Variants in RFX5 observed in about 807,000 individuals in gnomAD.
RFX5 encodes DNA-binding protein RFX5.
In RFX5, 30 loss-of-function variants were observed where a neutral mutation model predicts 41.2. The observed-to-expected ratio is 0.73, with a 90% confidence interval of 0.54 to 0.99. The LOEUF (loss-of-function observed/expected upper bound fraction) is 0.99. Ranked by LOEUF, RFX5 falls within the 50% of genes least tolerant of loss-of-function variation. The pLI, the probability that RFX5 is intolerant of heterozygous loss-of-function variation, is 0.00. For synonymous variants in RFX5, 231 were observed against 291.8 expected, an observed-to-expected ratio of 0.79 and a Z score of 2.12; for missense variants, 715 against 773.6, an observed-to-expected ratio of 0.92 and a Z score of 0.90.
chr1:151,343,233 A>G lies in RFX5; in HGVS notation c.859-55T>C, dbSNP rs990163886. 6 of 1,610,380 alleles carry G rather than the reference A, an allele frequency of 3.7e-6. No homozygotes were observed. In the African/African-American group the frequency reaches 8.0e-5, roughly 22 times the overall value. On this transcript the variant is annotated intron_variant, in intron 10 of 10. Coordinates refer to ENST00000452671, the MANE Select transcript of RFX5 (RefSeq NM_001025603.2). Reference sequence around the variant, plus strand: ...GTGTGAAGAATGAGTATTGGGGGAAACATAGACGCCAGAGGCACAGGAGGT... The same window carrying G: ...GTGTGAAGAATGAGTATTGGGGGAAGCATAGACGCCAGAGGCACAGGAGGT...
Position 151,343,864 on chromosome 1 carries a change from C to T in RFX5, c.574G>A (p.Val192Ile). ...GSESPEMGPE[V>I]TPAPRDELVE... The stretch of plus-strand genomic sequence containing the variant: ...AGTTCATCTCGAGGTGCTGGGGTTA[C>T]TTCTGGGCCCATTTCTGGCTGAAGT... Residue 192 changes from valine to isoleucine, a missense_variant, in exon 9 of 11, where the codon GTA becomes ATA. Coordinates refer to ENST00000452671, the MANE Select transcript of RFX5 (RefSeq NM_001025603.2). 1 of 1,613,650 alleles carries T rather than the reference C, an allele frequency of 6.2e-7. No individual in the cohort carries two copies. Among genetic ancestry groups the T allele is most frequent in the Non-Finnish European group, 8.5e-7 (1 of 1,179,682 alleles).
intron 3 of RFX5, 45 bp from the exon 4 acceptor site, chr1:151,346,006 CCT>C: frequency 1.2e-6 from 2 of 1,614,028 alleles, no homozygotes; most frequent in Non-Finnish European, 1.7e-6. Flanking sequence ...CAAGATTTTC[CCT>C]GTCTCTTTAT....
chr1:151,345,242 A>G (rs559685161), intron 4 of RFX5, 54 bp from the exon 5 acceptor site: 10 of 1,368,772 alleles, frequency 7.3e-6, no homozygotes, highest in South Asian at 3.6e-5. Context: ...GAAGGACCCA[A>G]TATAGGACCC....
At position 151,344,764 on chromosome 1, in the gene RFX5, G is replaced by T; in HGVS notation, c.317C>A (p.Thr106Asn). ...ATAAACACTTTGCTTTGGCAGACAG[G>T]TGTCAGTGTGCTCTTCCAGGTGGTT... ...IRNHLEEHTD[T>N]CLPKQSVYDA... is the part of the protein sequence containing the mutation. Residue 106 changes from threonine (T) to asparagine (N), a missense_variant, in exon 6 of 11, where the codon ACC (threonine) becomes AAC (asparagine). Physicochemically the swap from Thr to Asn is moderately conservative, Grantham distance 65. Transcript: ENST00000452671. 1 of 1,613,242 alleles carries T rather than the reference G, an allele frequency of 6.2e-7. No individual in the cohort carries two copies. Among genetic ancestry groups the T allele is most frequent in the Non-Finnish European group, 8.5e-7 (1 of 1,179,684 alleles).
chr1:151,344,208 C>T lies in RFX5; in HGVS notation c.544G>A (p.Gly182Ser), dbSNP rs146781151. ...MPPLPGLDLKGSESPEMGPEV... is the reference protein window; with the variant it reads ...MPPLPGLDLKSSESPEMGPEV... ...GATTTGGTACTTACACTCTCAGAACCCTTTAGGTCAAGTCCAGGCAGGGGT... is the reference window on the plus strand; with the variant it reads ...GATTTGGTACTTACACTCTCAGAACTCTTTAGGTCAAGTCCAGGCAGGGGT... Residue 182 changes from glycine (G) to serine (S), a missense_variant, in exon 8 of 11, where the codon GGT (glycine) becomes AGT (serine). Physicochemically the swap from Gly to Ser is moderately conservative, Grantham distance 56 (BLOSUM62 0). Transcript: ENST00000452671. 4 of 1,614,084 alleles carry T rather than the reference C, an allele frequency of 2.5e-6. No individual in the cohort carries two copies. Among genetic ancestry groups the T allele is most frequent in the Non-Finnish European group, 3.4e-6 (4 of 1,180,008 alleles).
At chr1:151,346,833 GT>G (rs1427353515) in intron 1 of RFX5, 2 of 157,702 alleles carry the variant, frequency 1.3e-5, no homozygotes, top group African/African-American at 4.8e-5. Flanking sequence ...CTGGGCCCAA[GT>G]TCTCATTACT....
rs767517616 is a variant in RFX5, at chr1:151,344,755, G to A, written c.326C>T (p.Pro109Leu). ...HLEEHTDTCL[P>L]KQSVYDAYRK... Reference sequence around the variant, plus strand: ...ATAGGCATCATAAACACTTTGCTTTGGCAGACAGGTGTCAGTGTGCTCTTC... The same window carrying A: ...ATAGGCATCATAAACACTTTGCTTTAGCAGACAGGTGTCAGTGTGCTCTTC... Residue 109 changes from proline to leucine, a missense_variant, in exon 6 of 11, where the codon CCA becomes CTA. Transcript: ENST00000452671. 1 of 1,253,220 alleles carries A rather than the reference G, an allele frequency of 8.0e-7. No individual in the cohort carries two copies. The highest frequency in any genetic ancestry group is 1.2e-5 in the South Asian group (1 of 85,436). 77.6% of individuals were successfully genotyped at this position (1,253,220 alleles called of 1,614,324 possible).
chr1:151,344,672 T>C lies in RFX5; in HGVS notation c.353+56A>G, dbSNP rs1650840744. The C allele has an allele frequency of 3.9e-6, 6 of 1,555,988 alleles. No individual in the cohort carries two copies. The Admixed American group carries it at 9.7e-5, about 25-fold the overall frequency. Reference sequence around the variant, plus strand: ...ATCAAGGCAGGAAGCTCTTCATGGGTGAGGGGGTCCTATGCCCACCAATCC... The same window carrying C: ...ATCAAGGCAGGAAGCTCTTCATGGGCGAGGGGGTCCTATGCCCACCAATCC... On this transcript the variant is annotated intron_variant, in intron 6 of 10. Coordinates refer to ENST00000452671, the MANE Select transcript of RFX5 (RefSeq NM_001025603.2).
chr1:151,342,068 C>G lies in RFX5; in HGVS notation c.*118G>C, dbSNP rs990704714. Reference sequence around the variant, plus strand: ...AGACTGGGTGACTCAGCTGTCTGTACAGAGGAGAATGGACTTCCTTAGGAA... The same window carrying G: ...AGACTGGGTGACTCAGCTGTCTGTAGAGAGGAGAATGGACTTCCTTAGGAA... On this transcript the variant is annotated 3_prime_UTR_variant, in exon 11 of 11. Coordinates refer to ENST00000452671, the MANE Select transcript of RFX5 (RefSeq NM_001025603.2). The G allele has an allele frequency of 1.4e-6, 2 of 1,438,700 alleles. No homozygotes were observed. Among genetic ancestry groups the G allele is most frequent in the Middle Eastern group, 1.7e-4 (1 of 5,776 alleles). The allele number at this position is 1,438,700 out of a possible 1,614,324, so 89.1% of individuals were successfully genotyped here.
Position 151,342,961 on chromosome 1 carries a change from G to T in RFX5, c.1076C>A (p.Ala359Asp), listed in dbSNP as rs1650613655. The change falls in exon 11 of 11, where the codon GCC (alanine) becomes GAC (aspartate). Residue 359 changes from alanine (A) to aspartate (D), a missense_variant. Physicochemically the swap from Ala to Asp is moderately radical, Grantham distance 126 (BLOSUM62 -2). Transcript: ENST00000452671. Reference protein sequence around the residue: ...PILAPRLSSGALKVATLPLSS... With the variant: ...PILAPRLSSGDLKVATLPLSS... The stretch of plus-strand genomic sequence containing the variant: ...CAGAGGCAGTGTAGCCACTTTCAGG[G>T]CACCTGAAGAAAGCCTGGGGGCCAG... 1.2e-6 allele frequency: 2 copies of T among 1,614,004 alleles called. No homozygotes were observed. The highest frequency in any genetic ancestry group is 1.7e-6 in the Non-Finnish European group (2 of 1,180,004).
In RFX5 at chr1:151,346,518, A is replaced by G; in HGVS notation, c.-43T>C. On this transcript the variant is annotated 5_prime_UTR_variant, in exon 2 of 11. An upstream open reading frame in the 5' UTR loses its in-frame stop. Coordinates refer to ENST00000452671, the MANE Select transcript of RFX5 (RefSeq NM_001025603.2). ...TCCGAAAATTAGAAATTATTCCATT[A>G]CTTCGCCAGGCCCATATATGCCCAA... The G allele has an allele frequency of 3.5e-6, 2 of 575,958 alleles. No individual in the cohort carries two copies. Among genetic ancestry groups the G allele is most frequent in the South Asian group, 4.0e-5 (2 of 50,020 alleles). The allele number at this position is 575,958 out of a possible 1,614,324, so 35.7% of individuals were successfully genotyped here.
rs1292873476 is a variant in RFX5, at chr1:151,343,324, G to A, written c.858+18C>T. The A allele has an allele frequency of 6.2e-7, 1 of 1,610,254 alleles. No homozygotes were observed. Among genetic ancestry groups the A allele is most frequent in the African/African-American group, 1.3e-5 (1 of 74,940 alleles). On this transcript the variant is annotated intron_variant, in intron 10 of 10. Transcript: ENST00000452671. ...CCCCAGCCCAGGACAGCAAAGTCAG[G>A]GCCACTGACTTCCTTACCTGGGCCA...
rs1284042769 is a variant in RFX5, at chr1:151,342,167, T to G, written c.*19A>C. 6.2e-7 allele frequency: 1 copy of G among 1,614,174 alleles called. No individual in the cohort carries two copies. The highest frequency in any genetic ancestry group is 1.3e-5 in the African/African-American group (1 of 75,044). On this transcript the variant is annotated 3_prime_UTR_variant, in exon 11 of 11. Transcript: ENST00000452671. ...AAAGTTAACGTAGGGATATAAACACTCTTCCCCACAGACCTGTATCATGGG... is the reference window on the plus strand; with the variant it reads ...AAAGTTAACGTAGGGATATAAACACGCTTCCCCACAGACCTGTATCATGGG...
rs140120144 is a variant in RFX5 at position 151,342,215 on chromosome 1, G to C, written c.1822C>G (p.His608Asp). The part of the protein sequence containing the change: ...HVLQSSLSQE[H>D]KDPKATPP The stretch of plus-strand genomic sequence containing the variant: ...GGGGGTGTTGCTTTTGGGTCTTTAT[G>C]CTCCTGGGATAAGGAACTTTGAAGC... Residue 608 changes from histidine to aspartate, a missense_variant, in exon 11 of 11, where the codon CAT becomes GAT. By Grantham distance (81) the His-to-Asp change is moderately conservative. Transcript: ENST00000452671. The C allele has an allele frequency of 6.2e-7, 1 of 1,614,154 alleles. No individual in the cohort carries two copies.
At position 151,343,740 on chromosome 1, in the gene RFX5, T is replaced by C. The variant is rs1359830713; in HGVS notation, c.698A>G (p.Gln233Arg). ...TGCAGATCGGGCAGAGATGAGATGC[T>C]GCTGTAGCAGGAAGCGGGCGACCTC... ...IVEVARFLLQ[Q>R]HLISARSAHA... The change falls in exon 9 of 11, where the codon CAG becomes CGG. Residue 233 changes from glutamine (Q) to arginine (R), a missense_variant. Coordinates refer to ENST00000452671, the MANE Select transcript of RFX5 (RefSeq NM_001025603.2). 3 of 1,614,054 alleles carry C rather than the reference T, an allele frequency of 1.9e-6. No individual in the cohort carries two copies. The highest frequency in any genetic ancestry group is 3.3e-5 in the Admixed American group (2 of 60,008).
In RFX5 at chr1:151,342,585, G is replaced by A. The variant is rs1650553156; in HGVS notation, c.1452C>T (p.Leu484=). 1.2e-6 allele frequency: 2 copies of A among 1,614,052 alleles called. No homozygotes were observed. Among genetic ancestry groups the A allele is most frequent in the South Asian group, 2.2e-5 (2 of 91,088 alleles). ...CAGATTCCATGGCAGCTGCTGACTTGAGAGGGGTAGAATTCCTTTCCCCAC... is the reference window on the plus strand; with the variant it reads ...CAGATTCCATGGCAGCTGCTGACTTAAGAGGGGTAGAATTCCTTTCCCCAC... ...GGSGERNSTP[L]KSAAAMESAQ... is the part of the protein sequence containing the mutation. Residue 484 remains leucine, a synonymous_variant, in exon 11 of 11, where the codon CTC becomes CTT. Coordinates refer to ENST00000452671, the MANE Select transcript of RFX5 (RefSeq NM_001025603.2).
At chr1:151,345,068 T>A (rs764694322) in intron 5 of RFX5, 38 bp downstream of exon 5, 1 of 1,589,522 alleles carries the variant, frequency 6.3e-7, no homozygotes, top group South Asian at 1.1e-5. Flanking sequence ...TCTCTAAGAA[T>A]CAGAACCTCT....
chr1:151,345,277 C>T, intron 4 of RFX5, 89 bp from the exon 5 acceptor site: 1 of 1,034,242 alleles, frequency 9.7e-7, no homozygotes, highest in Non-Finnish European at 1.5e-6. Context: ...CAAAGTCTAG[C>T]TGACTTACAG....
At chr1:151,344,678 G>C in intron 6 of RFX5, 50 bp downstream of exon 6, 1 of 1,553,368 alleles carries the variant, frequency 6.4e-7, no homozygotes, top group Non-Finnish European at 8.7e-7. Context: ...TGGGTGAGGG[G>C]GTCCTATGCC....
Sources: allele counts gnomAD v4.1 joint callset, GRCh38; gene constraint gnomAD v4.1.1; transcripts MANE v1.5; gene names NCBI Gene and HGNC (gene_info 2026-07-23, HGNC 2026-07-21).